Variants in SNTG2 observed in about 807,000 individuals in gnomAD.
The protein encoded by SNTG2 is gamma-2-syntrophin.
A neutral mutation model predicts 70.9 loss-of-function variants in SNTG2; 74 were observed. The observed-to-expected ratio is 1.04, with a 90% CI of 0.86 to 1.27. The LOEUF is 1.27. Ranked by LOEUF, SNTG2 falls within the 50% of genes most tolerant of loss-of-function variation. The pLI, the probability that SNTG2 is intolerant of heterozygous loss-of-function variation, is 0.00. For missense variants in SNTG2, 717 were observed against 690.7 expected (o/e 1.04, Z -0.43); for synonymous variants, 278 against 273.8 (o/e 1.02, Z -0.15).
chr2:1,284,676 T>G (rs1018956416), intron 14 of SNTG2, among the ~76,000 whole-genome samples: 1 of 152,210 alleles, frequency 6.6e-6, no homozygotes, highest in African/African-American at 2.4e-5. Context: ...AAATTTCACT[T>G]AAACATATGT....
chr2:987,001 CAT>C (rs1205055904), intron 1 of SNTG2, among the ~76,000 whole-genome samples: 8 of 152,206 alleles, frequency 5.3e-5, no homozygotes, highest in African/African-American at 1.4e-4. Context: ...TTTTCAGACA[CAT>C]GTGTTTGAAG....
intron 1 of SNTG2, among the ~76,000 whole-genome samples, chr2:1,078,390 G>C (rs1664064238): frequency 6.6e-6 from 1 of 152,228 alleles, no homozygotes; most frequent in Non-Finnish European, 1.5e-5. Flanking sequence ...AGCTGCCGAG[G>C]AGGGGACTCT....
chr2:1,027,929 A>C (rs1660579056), intron 1 of SNTG2, among the ~76,000 whole-genome samples: 1 of 140,656 alleles, frequency 7.1e-6, no homozygotes, highest in African/African-American at 2.7e-5. Context: ...CACAGACACT[A>C]CCCAGCAAGT....
At chr2:1,157,184 GC>G (rs1669955258) in intron 6 of SNTG2, among the ~76,000 whole-genome samples, 1 of 151,944 alleles carries the variant, frequency 6.6e-6, no homozygotes, top group Non-Finnish European at 1.5e-5. Flanking sequence ...TCCCATCACT[GC>G]CAGCACCCTG....
chr2:1,098,404 C>G lies in SNTG2; in HGVS notation c.319C>G (p.Gln107Glu), dbSNP rs1226979441. 6.2e-7 allele frequency: 1 copy of G among 1,613,936 alleles called. No homozygotes were observed. Among genetic ancestry groups the G allele is most frequent in the South Asian group, 1.1e-5 (1 of 91,082 alleles). The change falls in exon 4 of 17, where the codon CAA (glutamine) becomes GAA (glutamate). Residue 107 changes from glutamine (Q) to glutamate (E), a missense_variant. Gln to Glu is a conservative substitution (Grantham distance 29). Coordinates refer to ENST00000308624, the MANE Select transcript of SNTG2 (RefSeq NM_018968.4). ...CGTCATATCAAAAATATTCGAAGAC[C>G]AAGCAGGTAAAAACAGCCAAAATGA... The part of the protein sequence containing the change: ...PVVISKIFED[Q>E]AADQTGMLFV...
chr2:1,154,432 T>C (rs1669721732), intron 6 of SNTG2, among the ~76,000 whole-genome samples: 1 of 152,204 alleles, frequency 6.6e-6, no homozygotes, highest in African/African-American at 2.4e-5. Flanking sequence ...ACTTAAAAGT[T>C]AACAATTTAT....
chr2:1,109,889 G>T lies in SNTG2; in HGVS notation c.325+11479G>T, dbSNP rs1048978394. ...AGGAAGGGGTGTTTTGTCCCCGAAA[G>T]AAAGGCAAGACGAACGCGAACCTTC... On this transcript the variant is annotated intron_variant, in intron 4 of 16. Coordinates refer to ENST00000308624, the MANE Select transcript of SNTG2 (RefSeq NM_018968.4). 9.2e-5 allele frequency among the ~76,000 whole-genome samples: 14 copies of T among 152,198 alleles called. 1 individual carries two copies. Among genetic ancestry groups the T allele is most frequent in the Non-Finnish European group, 1.2e-4 (8 of 68,046 alleles).
intron 1 of SNTG2, among the ~76,000 whole-genome samples, chr2:1,021,357 T>A (rs1457534979): frequency 3.3e-5 from 5 of 152,128 alleles, no homozygotes; most frequent in Non-Finnish European, 7.4e-5. Flanking sequence ...TAATAAAAAA[T>A]ATCTCAAGCA....
intron 4 of SNTG2, among the ~76,000 whole-genome samples, chr2:1,117,630 C>T (rs985120050): frequency 3.1e-4 from 47 of 152,268 alleles, no homozygotes; most frequent in Non-Finnish European, 4.0e-4. Context: ...CTGTGCCACC[C>T]CAGCCTCCAG....
intron 9 of SNTG2, among the ~76,000 whole-genome samples, chr2:1,236,995 T>C (rs1676703557): frequency 6.6e-6 from 1 of 151,442 alleles, no homozygotes; most frequent in African/African-American, 2.4e-5. Flanking sequence ...CAGGCTGGAG[T>C]GCAGTGGTGT....
intron 15 of SNTG2, 67 bp from the exon 16 acceptor site, chr2:1,316,198 T>G: frequency 1.4e-6 from 1 of 734,438 alleles, no homozygotes; most frequent in South Asian, 1.9e-5. Flanking sequence ...TTTAATGTAG[T>G]AACAGATGCT....
At chr2:1,274,347 G>T (rs976012165) in intron 14 of SNTG2, among the ~76,000 whole-genome samples, 4 of 152,316 alleles carry the variant, frequency 2.6e-5, no homozygotes, top group Admixed American at 2.0e-4. Flanking sequence ...GGTCACTGAT[G>T]TAGGAATCTA....
intron 12 of SNTG2, 128 bp from the exon 13 acceptor site, chr2:1,259,242 A>AT (rs1678286548): frequency 7.9e-6 from 6 of 755,058 alleles, no homozygotes; most frequent in African/African-American, 1.8e-5. Context: ...AATGTTACCA[A>AT]TTTATACTAA....
intron 1 of SNTG2, among the ~76,000 whole-genome samples, chr2:991,025 T>G (rs2147977746): frequency 6.6e-6 from 1 of 152,318 alleles, no homozygotes; most frequent in East Asian, 1.9e-4. Flanking sequence ...CATTTACTTG[T>G]TAAGTACTTA....
At chr2:1,366,009 T>C (rs1430081097) in intron 16 of SNTG2, among the ~76,000 whole-genome samples, 2 of 151,710 alleles carry the variant, frequency 1.3e-5, no homozygotes, top group East Asian at 2.0e-4. Flanking sequence ...ATCCTGCCTT[T>C]CGAGAGCTTA....
chr2:1,091,885 G>T (rs1243119252), intron 2 of SNTG2, among the ~76,000 whole-genome samples: 1 of 152,168 alleles, frequency 6.6e-6, no homozygotes, highest in Non-Finnish European at 1.5e-5. Flanking sequence ...CAGACACTGA[G>T]AAATAGTTTA....
chr2:1,163,373 AAGTG>A (rs981905505), intron 6 of SNTG2: 6 of 148,566 alleles, frequency 4.0e-5, no homozygotes, highest in Non-Finnish European at 7.4e-5. Flanking sequence ...TCCCAACAGG[AAGTG>A]AGTGTGTGAA....
chr2:970,667 A>G (rs1341371680), intron 1 of SNTG2, among the ~76,000 whole-genome samples: 12 of 146,666 alleles, frequency 8.2e-5, no homozygotes, highest in Non-Finnish European at 1.0e-4. Context: ...CCAGTCTATC[A>G]TTGTTGGACA....
chr2:1,179,301 C>T (rs1261341950), intron 8 of SNTG2, among the ~76,000 whole-genome samples: 1 of 152,036 alleles, frequency 6.6e-6, no homozygotes, highest in African/African-American at 2.4e-5. Context: ...GTCTCTATTT[C>T]CTTCAGTTCT....
Sources: gnomAD v4.1 joint callset for allele counts (sites outside exome capture counted in the v4.1 genomes callset) on GRCh38, gnomAD v4.1.1 for gene constraint, MANE v1.5 for transcripts, NCBI Gene and HGNC (gene_info 2026-07-23, HGNC 2026-07-21) for gene names.